The following ZNF782 variants were observed in gnomAD, a reference collection of about 807,000 sequenced individuals.
ZNF782 encodes zinc finger protein 782.
A neutral mutation model predicts 13.0 loss-of-function variants in ZNF782; 12 were observed. The ratio of observed to expected loss-of-function variants is 0.92; its 90% CI spans 0.59 to 1.50. The LOEUF is 1.50. Among genes scored for constraint, ZNF782 ranks in the 40% most tolerant of loss-of-function variants. The pLI is 0.00. For synonymous variants in ZNF782, 284 were observed against 283.0 expected (o/e 1.00, Z -0.04); for missense variants, 770 against 822.9 (o/e 0.94, Z 0.79).
rs552857086 is a variant in ZNF782, at chr9:96,831,029, C to CT, written c.143-3849dup. On this transcript the variant is annotated intron_variant, in intron 4 of 5. Transcript: ENST00000481138. The stretch of plus-strand genomic sequence containing the variant: ...ATCTGAACAACAGACAGAAAACAGA[C>CT]TAACGCCACAGGGACCTGTGAGACT... 1.1e-4 allele frequency among the ~76,000 whole-genome samples: 17 copies of CT among 152,194 alleles called. No homozygotes were observed. In the South Asian group the frequency reaches 1.9e-3, roughly 17 times the overall value.
intron 5 of ZNF782, among the ~76,000 whole-genome samples, chr9:96,824,316 T>G (rs1850529126): frequency 6.6e-6 from 1 of 150,862 alleles, no homozygotes; most frequent in African/African-American, 2.4e-5. Context: ...CATGATTATC[T>G]CAATAGATGC....
chr9:96,879,794 T>C (rs1327039346), upstream of ZNF782, among the ~76,000 whole-genome samples: 1 of 152,250 alleles, frequency 6.6e-6, no homozygotes, highest in African/African-American at 2.4e-5. Context: ...TTTTAGCTAA[T>C]ATGTAGTATG....
intron 1 of ZNF782, among the ~76,000 whole-genome samples, chr9:96,873,440 C>G (rs1851852366): frequency 6.6e-6 from 1 of 152,192 alleles, no homozygotes; most frequent in African/African-American, 2.4e-5. Flanking sequence ...TGGCTCATGC[C>G]TGTAATGCCA....
chr9:96,878,733 T>C (rs890350406), upstream of ZNF782, among the ~76,000 whole-genome samples: 1 of 152,224 alleles, frequency 6.6e-6, no homozygotes, highest in Non-Finnish European at 1.5e-5. Flanking sequence ...TTATAAATAA[T>C]ATGTGGCAAA....
intron 4 of ZNF782, among the ~76,000 whole-genome samples, chr9:96,837,737 A>G (rs1851047032): frequency 6.6e-6 from 1 of 152,050 alleles, no homozygotes; most frequent in Admixed American, 6.6e-5. Context: ...ATCTCTCTCA[A>G]GGTATTTTCT....
intron 5 of ZNF782, among the ~76,000 whole-genome samples, chr9:96,820,792 CA>C (rs1850393787): frequency 6.6e-6 from 1 of 152,104 alleles, no homozygotes; most frequent in South Asian, 2.1e-4. Flanking sequence ...TCAGGTGATC[CA>C]CCTGTCTTGG....
chr9:96,819,413 G>C lies in ZNF782; in HGVS notation c.610C>G (p.Gln204Glu). ...KTLHHKEEVIQHQTIQTLGQD... is the reference protein window; with the variant it reads ...KTLHHKEEVIEHQTIQTLGQD... ...CCCAGAGTCTGAATTGTCTGATGTT[G>C]AATAACTTCCTCCTTATGATGGAGG... Residue 204 changes from glutamine to glutamate, a missense_variant, in exon 6 of 6, where the codon CAA becomes GAA. Transcript: ENST00000481138. 6.2e-7 allele frequency: 1 copy of C among 1,610,532 alleles called. No individual in the cohort carries two copies. The highest frequency in any genetic ancestry group is 8.5e-7 in the Non-Finnish European group (1 of 1,179,100).
At chr9:96,926,469 C>T in the ZNF782 span, among the ~76,000 whole-genome samples, 3 of 152,200 alleles carry the variant, frequency 2.0e-5, no homozygotes, top group Admixed American at 2.0e-4. Flanking sequence ...TAGAGTTGCA[C>T]AGCAGAAGAG....
At chr9:96,824,254 G>A (rs1412733071) in intron 5 of ZNF782, among the ~76,000 whole-genome samples, 41 of 150,978 alleles carry the variant, frequency 2.7e-4, no homozygotes, top group Non-Finnish European at 3.7e-4. Flanking sequence ...TTCAATATAC[G>A]CAAATCAATA....
At chr9:96,886,022 A>AT in the ZNF782 span, among the ~76,000 whole-genome samples, 1 of 151,800 alleles carries the variant, frequency 6.6e-6, no homozygotes, top group African/African-American at 2.4e-5. Context: ...TAAGTTTTGT[A>AT]TTTTTTGTAG....
upstream of ZNF782, among the ~76,000 whole-genome samples, chr9:96,859,044 A>G (rs929753912): frequency 6.8e-6 from 1 of 147,870 alleles, no homozygotes; most frequent in African/African-American, 2.7e-5. Context: ...CACGGAGGGA[A>G]CATTTACACT....
At chr9:96,890,113 C>G in the ZNF782 span, 1 of 152,262 alleles carries the variant, frequency 6.6e-6, no homozygotes, top group Middle Eastern at 3.2e-3. Flanking sequence ...CCAGGCAGGG[C>G]CAAGTAGCAC....
At chr9:96,912,218 A>C in the ZNF782 span, among the ~76,000 whole-genome samples, 3 of 149,032 alleles carry the variant, frequency 2.0e-5, no homozygotes, top group Admixed American at 1.3e-4. Flanking sequence ...AAAAAAAAAA[A>C]AAACTAACTA....
chr9:96,878,202 C>T (rs1365028675), upstream of ZNF782, among the ~76,000 whole-genome samples: 1 of 152,162 alleles, frequency 6.6e-6, no homozygotes, highest in Non-Finnish European at 1.5e-5. Context: ...GCGCGCGCCA[C>T]CACGCCCGGC....
intron 4 of ZNF782, among the ~76,000 whole-genome samples, chr9:96,841,519 C>T (rs1011730485): frequency 2.4e-4 from 36 of 151,868 alleles, no homozygotes; most frequent in African/African-American, 8.2e-4. Flanking sequence ...AAAAAGAATT[C>T]TATGACATTA....
the ZNF782 span, among the ~76,000 whole-genome samples, chr9:96,925,898 G>A: frequency 6.8e-6 from 1 of 146,670 alleles, no homozygotes; most frequent in Non-Finnish European, 1.5e-5. Flanking sequence ...CCTCTGAACA[G>A]GGGATCCAAG....
Position 96,847,673 on chromosome 9 carries a change from A to G in ZNF782, c.16-2657T>C, listed in dbSNP as rs186283367. 7.2e-5 allele frequency among the ~76,000 whole-genome samples: 11 copies of G among 152,330 alleles called. No individual in the cohort carries two copies. The East Asian group carries it at 2.1e-3, about 29-fold the overall frequency. ...GAGAGATTAAATCAGTAATTTAAAAATTTGAAAATTGCCAACAACAACAAA... is the reference window on the plus strand; with the variant it reads ...GAGAGATTAAATCAGTAATTTAAAAGTTTGAAAATTGCCAACAACAACAAA... On this transcript the variant is annotated intron_variant, in intron 3 of 5. Transcript: ENST00000481138.
In ZNF782 at chr9:96,817,905, T is replaced by C; in HGVS notation, c.*18A>G. 1.3e-6 allele frequency: 2 copies of C among 1,523,400 alleles called. No individual in the cohort carries two copies. Among genetic ancestry groups the C allele is most frequent in the Non-Finnish European group, 8.8e-7 (1 of 1,140,088 alleles). The allele number at this position is 1,523,400 out of a possible 1,614,324, so 94.4% of individuals were successfully genotyped here. A position where few individuals can be genotyped will look rare whatever the true frequency, so the allele number is the denominator to read the frequency against. On this transcript the variant is annotated 3_prime_UTR_variant, in exon 6 of 6. Coordinates refer to ENST00000481138, the MANE Select transcript of ZNF782 (RefSeq NM_001001662.3). ...ATTTCCAGCTCAGAGTTTTTTCGTA[T>C]TCTTTATATGCATACATTTAATCCC...
intron 3 of ZNF782, among the ~76,000 whole-genome samples, chr9:96,849,574 C>T (rs952126918): frequency 6.6e-6 from 1 of 152,218 alleles, no homozygotes; most frequent in African/African-American, 2.4e-5. Context: ...TAGAAGACAA[C>T]ATTTGGAAAA....
Sources: gnomAD v4.1 joint callset for allele counts (sites outside exome capture counted in the v4.1 genomes callset) on GRCh38, gnomAD v4.1.1 for gene constraint, MANE v1.5 for transcripts, NCBI Gene and HGNC (gene_info 2026-07-23, HGNC 2026-07-21) for gene names.